RPS6KC1: variants seen among roughly 807,000 people sequenced by gnomAD.
RPS6KC1 encodes inactive ribosomal protein S6 kinase delta-1.
Under a neutral mutation model 103.8 loss-of-function variants are expected in RPS6KC1, and 54 were observed. That is an observed-to-expected ratio of 0.52 (90% CI 0.42 to 0.65). The LOEUF (loss-of-function observed/expected upper bound fraction) is 0.65, where lower values mean the gene tolerates loss of function less well. Ranked by LOEUF, RPS6KC1 falls within the 30% of genes least tolerant of loss-of-function variation. The pLI, the probability that RPS6KC1 is intolerant of heterozygous loss-of-function variation, is 0.00. For missense variants in RPS6KC1, 1,151 were observed against 1,253.8 expected, an observed-to-expected ratio of 0.92 and a Z score of 1.24; for synonymous variants, 439 against 438.7, an observed-to-expected ratio of 1.00 and a Z score of -0.01.
At chr1:213,102,210 G>A (rs769229484) in intron 3 of RPS6KC1, among the ~76,000 whole-genome samples, 1 of 152,168 alleles carries the variant, frequency 6.6e-6, no homozygotes, top group Admixed American at 6.5e-5. Context: ...AGCCTCAAGC[G>A]TGGCAGCTGC....
the RPS6KC1 span, among the ~76,000 whole-genome samples, chr1:213,669,362 G>A: frequency 6.6e-6 from 1 of 152,124 alleles, no homozygotes. Flanking sequence ...GAGAGAAAGG[G>A]GGGTGGCCAG....
chr1:213,241,797 G>T lies in RPS6KC1; in HGVS notation c.2321G>T (p.Arg774Met). The change falls in exon 11 of 15, where the codon AGG (arginine) becomes ATG (methionine). Residue 774 changes from arginine (R) to methionine (M), a missense_variant. Transcript: ENST00000366960. ...TEKHYAQEDPRMLFVAAVDHS... is the reference protein window; with the variant it reads ...TEKHYAQEDPMMLFVAAVDHS... Reference sequence around the variant, plus strand: ...AAACACTATGCACAGGAGGATCCCAGGATGTTATTTGTAGCAGCTGTTGAT... The same window carrying T: ...AAACACTATGCACAGGAGGATCCCATGATGTTATTTGTAGCAGCTGTTGAT... 1 of 1,613,948 alleles carries T rather than the reference G, an allele frequency of 6.2e-7. No individual in the cohort carries two copies. Among genetic ancestry groups the T allele is most frequent in the East Asian group, 2.2e-5 (1 of 44,868 alleles).
the RPS6KC1 span, among the ~76,000 whole-genome samples, chr1:213,317,244 C>T: frequency 2.0e-5 from 3 of 152,256 alleles, no homozygotes; most frequent in East Asian, 3.9e-4. Flanking sequence ...TCTCCTTTCC[C>T]TAGCTCTAAT....
chr1:213,449,764 T>A, the RPS6KC1 span, among the ~76,000 whole-genome samples: 2 of 152,192 alleles, frequency 1.3e-5, no homozygotes, highest in Non-Finnish European at 2.9e-5. Context: ...TTGTGTACCG[T>A]CTCTTTCTGG....
the RPS6KC1 span, among the ~76,000 whole-genome samples, chr1:213,676,808 A>G: frequency 6.6e-6 from 1 of 152,210 alleles, no homozygotes; most frequent in African/African-American, 2.4e-5. Flanking sequence ...CTCTGAGATC[A>G]AGTTTTAAAA....
the RPS6KC1 span, among the ~76,000 whole-genome samples, chr1:213,512,353 G>T: frequency 6.6e-6 from 1 of 152,172 alleles, no homozygotes. Flanking sequence ...GCCTCCACAC[G>T]TGGAGCCAGA....
At chr1:213,449,087 G>T in the RPS6KC1 span, among the ~76,000 whole-genome samples, 1 of 152,134 alleles carries the variant, frequency 6.6e-6, no homozygotes, top group Non-Finnish European at 1.5e-5. Context: ...TCTTTGCTGT[G>T]TGGCTTGAAA....
At chr1:213,750,184 C>T in the RPS6KC1 span, among the ~76,000 whole-genome samples, 1 of 152,220 alleles carries the variant, frequency 6.6e-6, no homozygotes, top group African/African-American at 2.4e-5. Flanking sequence ...AAGCATCAGT[C>T]ATGGTTACAA....
At chr1:213,598,015 G>A in the RPS6KC1 span, among the ~76,000 whole-genome samples, 1 of 152,158 alleles carries the variant, frequency 6.6e-6, no homozygotes, top group East Asian at 1.9e-4. Context: ...GACTTGTCTC[G>A]AGGTATTAGG....
At chr1:213,448,110 T>C in the RPS6KC1 span, among the ~76,000 whole-genome samples, 11 of 149,592 alleles carry the variant, frequency 7.4e-5, no homozygotes, top group African/African-American at 2.2e-4. Flanking sequence ...TGGTGGAATG[T>C]GCGTGTAGTC....
At chr1:213,136,297 G>A (rs1414933139) in intron 6 of RPS6KC1, among the ~76,000 whole-genome samples, 6 of 152,108 alleles carry the variant, frequency 3.9e-5, no homozygotes, top group Non-Finnish European at 5.9e-5. Context: ...CCTGGCATGC[G>A]TCACATAGCT....
At chr1:213,292,252 A>G in the RPS6KC1 span, among the ~76,000 whole-genome samples, 4 of 13,974 alleles carry the variant, frequency 2.9e-4, no homozygotes, top group Non-Finnish European at 5.4e-4. Context: ...AAGTATAATA[A>G]TAATAAAATT....
chr1:213,505,541 T>C, the RPS6KC1 span, among the ~76,000 whole-genome samples: 2 of 152,186 alleles, frequency 1.3e-5, no homozygotes, highest in Non-Finnish European at 2.9e-5. Flanking sequence ...GTTGTGAGGA[T>C]TGAGTTAACA....
At chr1:213,076,179 G>A (rs1435825003) in intron 2 of RPS6KC1, among the ~76,000 whole-genome samples, 1 of 152,184 alleles carries the variant, frequency 6.6e-6, no homozygotes, top group African/African-American at 2.4e-5. Context: ...TAAATGAACA[G>A]GGAACATCAG....
the RPS6KC1 span, among the ~76,000 whole-genome samples, chr1:213,400,058 A>G: frequency 5.6e-3 from 859 of 152,274 alleles, 17 homozygotes; most frequent in African/African-American, 0.019. Context: ...TGAGAAATTC[A>G]TAGAAAAAAG....
At chr1:213,533,506 G>C in the RPS6KC1 span, among the ~76,000 whole-genome samples, 1 of 152,170 alleles carries the variant, frequency 6.6e-6, no homozygotes, top group Non-Finnish European at 1.5e-5. Flanking sequence ...GTAACTTTCT[G>C]TAGTGGTTTA....
chr1:213,142,398 G>A (rs1333527407), intron 6 of RPS6KC1, among the ~76,000 whole-genome samples: 2 of 152,014 alleles, frequency 1.3e-5, no homozygotes, highest in Non-Finnish European at 2.9e-5. Context: ...CATTACTGGG[G>A]AGCTAGTACG....
chr1:213,203,084 C>T (rs1241792537), intron 8 of RPS6KC1, among the ~76,000 whole-genome samples: 1 of 152,074 alleles, frequency 6.6e-6, no homozygotes, highest in Non-Finnish European at 1.5e-5. Context: ...AGAAATATTA[C>T]AGTGTTTTAA....
intron 9 of RPS6KC1, 61 bp downstream of exon 9, chr1:213,230,605 T>G: frequency 3.9e-6 from 5 of 1,282,326 alleles, no homozygotes; most frequent in Non-Finnish European, 5.5e-6. Context: ...GAGACTGAGA[T>G]AGGCAGGTCA....
Sources: gnomAD v4.1 joint callset for allele counts (sites outside exome capture counted in the v4.1 genomes callset) on GRCh38, gnomAD v4.1.1 for gene constraint, MANE v1.5 for transcripts, NCBI Gene and HGNC (gene_info 2026-07-23, HGNC 2026-07-21) for gene names.